ANKS1A: variants seen among roughly 807,000 people sequenced by gnomAD.
ANKS1A encodes the protein ankyrin repeat and SAM domain-containing protein 1A.
A neutral mutation model predicts 120.3 loss-of-function variants in ANKS1A; 55 were observed. The observed-to-expected ratio is 0.46, with a 90% CI of 0.37 to 0.57. The LOEUF is 0.57. ANKS1A is among the 20% of genes least tolerant of loss of function. ANKS1A has a pLI of 0.00. For missense variants in ANKS1A, 1,123 were observed against 1,480.3 expected (o/e 0.76, Z 3.96); for synonymous variants, 590 against 604.7 (o/e 0.98, Z 0.36).
intron 1 of ANKS1A, among the ~76,000 whole-genome samples, chr6:34,922,696 T>TTTC (rs1383455504): frequency 2.1e-5 from 3 of 144,110 alleles, no homozygotes; most frequent in African/African-American, 5.0e-5. Context: ...GGGCATTTCT[T>TTTC]TTTTTTTTTT....
chr6:34,929,716 G>A (rs1228286810), intron 1 of ANKS1A, among the ~76,000 whole-genome samples: 3 of 151,772 alleles, frequency 2.0e-5, no homozygotes, highest in Non-Finnish European at 2.9e-5. Context: ...TTTTCCATTA[G>A]GTCTTTCCTT....
At chr6:35,012,516 TG>T (rs1161542259) in intron 10 of ANKS1A, among the ~76,000 whole-genome samples, 2 of 152,204 alleles carry the variant, frequency 1.3e-5, no homozygotes, top group Admixed American at 6.5e-5. Flanking sequence ...TATGAGACAC[TG>T]GGTCCCCCAG....
At chr6:35,064,193 C>T (rs1280172748) in intron 13 of ANKS1A, among the ~76,000 whole-genome samples, 5 of 152,148 alleles carry the variant, frequency 3.3e-5, no homozygotes. Context: ...AGGCAAAAAG[C>T]CCCTTGAGTG....
At chr6:34,973,933 C>T (rs1581575378) in intron 3 of ANKS1A, among the ~76,000 whole-genome samples, 1 of 78,712 alleles carries the variant, frequency 1.3e-5, no homozygotes, top group African/African-American at 4.9e-5. Flanking sequence ...TTCCCCTTCC[C>T]TTCCCCTTCC....
At chr6:35,023,682 G>A in intron 11 of ANKS1A, 1 of 412,784 alleles carries the variant, frequency 2.4e-6, no homozygotes, top group Non-Finnish European at 4.8e-6. Context: ...AGGCTCTAAA[G>A]GAAAGGGTAG....
intron 1 of ANKS1A, among the ~76,000 whole-genome samples, chr6:34,918,833 T>C (rs868769512): frequency 1.6e-4 from 24 of 152,084 alleles, no homozygotes; most frequent in Admixed American, 7.2e-4. Flanking sequence ...ATTTTGAGCT[T>C]TATATACACT....
intron 14 of ANKS1A, 26 bp from the exon 15 acceptor site, chr6:35,079,490 G>GT (rs1777547480): frequency 6.2e-7 from 1 of 1,612,552 alleles, no homozygotes; most frequent in Admixed American, 1.7e-5. Flanking sequence ...TGAGATGTCA[G>GT]TTTCACCTCC....
downstream of ANKS1A, among the ~76,000 whole-genome samples, chr6:35,096,365 T>C (rs55654367): frequency 4.0e-3 from 616 of 152,326 alleles, 4 homozygotes; most frequent in African/African-American, 0.013. Context: ...GCCCTTCTGG[T>C]TTGAGTGCTC....
chr6:34,965,740 C>T (rs1437779316), intron 1 of ANKS1A, among the ~76,000 whole-genome samples: 2 of 151,034 alleles, frequency 1.3e-5, no homozygotes, highest in Non-Finnish European at 2.9e-5. Context: ...AATTTTAGTG[C>T]TCTGTCATTG....
In ANKS1A at chr6:35,005,078, G is replaced by T. The variant is rs191511660; in HGVS notation, c.1423+10656G>T. On this transcript the variant is annotated intron_variant, in intron 10 of 23. Transcript: ENST00000360359. ...TTTCTGTTATAAATTATGCTTCTGTGGACATTCTGTACATGTGTTCTTAAA... is the reference window on the plus strand; with the variant it reads ...TTTCTGTTATAAATTATGCTTCTGTTGACATTCTGTACATGTGTTCTTAAA... Among the ~76,000 whole-genome samples, 279 of 152,154 alleles carry T rather than the reference G, an allele frequency of 1.8e-3. 1 individual carries two copies. The highest frequency in any genetic ancestry group is 3.1e-3 in the Non-Finnish European group (212 of 67,986).
chr6:34,944,445 C>T (rs1769685417), intron 1 of ANKS1A, among the ~76,000 whole-genome samples: 2 of 152,186 alleles, frequency 1.3e-5, no homozygotes. Context: ...CCCTAAGTGA[C>T]ATTTGAATTC....
chr6:34,921,297 T>C (rs959565770), intron 1 of ANKS1A, among the ~76,000 whole-genome samples: 17 of 152,192 alleles, frequency 1.1e-4, no homozygotes, highest in Non-Finnish European at 2.5e-4. Flanking sequence ...TTTTCGTTTG[T>C]TTTTTATTTT....
At chr6:35,019,286 C>G (rs1774204799) in intron 11 of ANKS1A, among the ~76,000 whole-genome samples, 1 of 152,178 alleles carries the variant, frequency 6.6e-6, no homozygotes, top group Non-Finnish European at 1.5e-5. Context: ...CCATTTAGCT[C>G]TCCAAGAGGA....
intron 1 of ANKS1A, among the ~76,000 whole-genome samples, chr6:34,952,180 G>T (rs1770122657): frequency 6.6e-6 from 1 of 152,124 alleles, no homozygotes; most frequent in East Asian, 1.9e-4. Context: ...TTTCCTTACA[G>T]AGTTCTTATG....
intron 8 of ANKS1A, 44 bp downstream of exon 8, chr6:34,985,322 G>A (rs752007983): frequency 8.8e-6 from 14 of 1,588,930 alleles, no homozygotes; most frequent in Non-Finnish European, 1.2e-5. Flanking sequence ...TGTGTTGGCT[G>A]GCTGGCCCCT....
Position 34,946,276 on chromosome 6 carries a change from C to T in ANKS1A, c.198-20963C>T, listed in dbSNP as rs141396107. Among the ~76,000 whole-genome samples, 982 of 151,818 alleles carry T rather than the reference C, an allele frequency of 6.5e-3. 10 individuals carry two copies. The highest frequency in any genetic ancestry group is 0.023 in the African/African-American group (935 of 41,464). ...AATTACAGGCATGAGCCACCGTGCCCGGCCTCTCTCTCTTTTTACAAAATT... is the reference window on the plus strand; with the variant it reads ...AATTACAGGCATGAGCCACCGTGCCTGGCCTCTCTCTCTTTTTACAAAATT... On this transcript the variant is annotated intron_variant, in intron 1 of 23. Transcript: ENST00000360359.
In ANKS1A at chr6:34,921,744, C is replaced by CTGG. The variant is rs1392318918; in HGVS notation, c.197+32146_197+32148dup. ...TTTGGGTCTCACTTTGTCATCCAGG[C>CTGG]TGGAGTGCAATGGCACAATCGTAGC... On this transcript the variant is annotated intron_variant, in intron 1 of 23. Transcript: ENST00000360359. Among the ~76,000 whole-genome samples the CTGG allele has an allele frequency of 2.6e-5, 4 of 152,210 alleles. No homozygotes were observed. In the East Asian group the frequency reaches 7.7e-4, roughly 29 times the overall value.
In ANKS1A at chr6:34,921,608, A is replaced by G. The variant is rs558597881; in HGVS notation, c.197+32009A>G. ...AGTGCAATGGGCCTGGTGGACCTAC[A>G]TGGTACCAAAGGAATCTTCACCCTA... On this transcript the variant is annotated intron_variant, in intron 1 of 23. Transcript: ENST00000360359. Among the ~76,000 whole-genome samples the G allele has an allele frequency of 1.3e-4, 20 of 152,324 alleles. No individual in the cohort carries two copies. The South Asian group carries it at 4.1e-3, about 32-fold the overall frequency.
Position 35,089,925 on chromosome 6 carries a change from C to T in ANKS1A, c.*1316C>T, listed in dbSNP as rs1778208965. On this transcript the variant is annotated 3_prime_UTR_variant, in exon 24 of 24. Coordinates refer to ENST00000360359, the MANE Select transcript of ANKS1A (RefSeq NM_015245.3). ...GTCCCAGGATGAATAATCCAGGCTT[C>T]AGCAACACTCCTCTTTCCCAGCCAG... 8.6e-7 allele frequency: 1 copy of T among 1,161,256 alleles called. No homozygotes were observed. Among genetic ancestry groups the T allele is most frequent in the Admixed American group, 3.8e-5 (1 of 26,362 alleles). 71.9% of individuals were successfully genotyped at this position (1,161,256 alleles called of 1,614,324 possible).
Sources: allele counts gnomAD v4.1 joint callset (sites outside exome capture counted in the v4.1 genomes callset), GRCh38; gene constraint gnomAD v4.1.1; transcripts MANE v1.5; gene names NCBI Gene and HGNC (gene_info 2026-07-23, HGNC 2026-07-21).